NSUN7: variants seen among roughly 807,000 people sequenced by gnomAD.
NSUN7 encodes NOP2/Sun RNA methyltransferase family member 7.
Under a neutral mutation model 58.5 loss-of-function variants are expected in NSUN7, and 39 were observed. That is an observed-to-expected ratio of 0.67 (90% CI 0.52 to 0.87). The LOEUF is 0.87. NSUN7 is among the 40% of genes least tolerant of loss of function. NSUN7 has a pLI of 0.00. For missense variants in NSUN7, 765 were observed against 844.1 expected (o/e 0.91, Z 1.16); for synonymous variants, 278 against 303.7 (o/e 0.92, Z 0.88).
intron 4 of NSUN7, among the ~76,000 whole-genome samples, chr4:40,767,072 C>G (rs1234387144): frequency 1.3e-5 from 2 of 150,518 alleles, no homozygotes; most frequent in Admixed American, 6.6e-5. Context: ...TTTTTTGTGT[C>G]TCTATTTCCT....
In NSUN7 at chr4:40,777,760, C is replaced by T. The variant is rs529579808; in HGVS notation, c.1036+1501C>T. Among the ~76,000 whole-genome samples the T allele has an allele frequency of 5.9e-5, 9 of 152,270 alleles. No homozygotes were observed. The South Asian group carries it at 1.4e-3, about 25-fold the overall frequency. ...ATCTGGAGATACTGGATTTATCAGA[C>T]GTGGACTTTAGTTTTACTTTTTTGA... is the stretch of plus-strand genomic sequence containing the variant. On this transcript the variant is annotated intron_variant, in intron 7 of 11. Transcript: ENST00000381782.
chr4:40,766,633 T>A (rs377505352), intron 4 of NSUN7, among the ~76,000 whole-genome samples: 1 of 152,190 alleles, frequency 6.6e-6, no homozygotes, highest in Non-Finnish European at 1.5e-5. Context: ...TTTTCTATTG[T>A]TTGGAATAGT....
chr4:40,788,682 G>C (rs909673720), intron 7 of NSUN7, among the ~76,000 whole-genome samples: 2 of 152,134 alleles, frequency 1.3e-5, no homozygotes, highest in African/African-American at 4.8e-5. Context: ...CCCTATGGTG[G>C]CTGTGTAGAA....
In NSUN7 at chr4:40,764,201, A is replaced by G. The variant is rs1378046835; in HGVS notation, c.488+2900A>G. On this transcript the variant is annotated intron_variant, in intron 4 of 11. Coordinates refer to ENST00000381782, the MANE Select transcript of NSUN7 (RefSeq NM_024677.6). ...ATTAACTCGTCATTTAGCATTAGGTATATCTCCTAATGCTATCCCTCCCCC... is the reference window on the plus strand; with the variant it reads ...ATTAACTCGTCATTTAGCATTAGGTGTATCTCCTAATGCTATCCCTCCCCC... Among the ~76,000 whole-genome samples the G allele has an allele frequency of 3.4e-5, 5 of 147,024 alleles. No individual in the cohort carries two copies. In the East Asian group the frequency reaches 1.1e-3, roughly 32 times the overall value.
chr4:40,776,215 A>G lies in NSUN7; in HGVS notation c.992A>G (p.Lys331Arg). The G allele has an allele frequency of 6.2e-7, 1 of 1,611,184 alleles. No individual in the cohort carries two copies. Among genetic ancestry groups the G allele is most frequent in the Non-Finnish European group, 8.5e-7 (1 of 1,179,186 alleles). Reference sequence around the variant, plus strand: ...GTGTGTGGAGTACAATCACAAGCTAAGGATCCTGACTTGAAGACCCTTTTC... The same window carrying G: ...GTGTGTGGAGTACAATCACAAGCTAGGGATCCTGACTTGAAGACCCTTTTC... ...VFVCGVQSQA[K>R]DPDLKTLFTK... Residue 331 changes from lysine (K) to arginine (R), a missense_variant, in exon 7 of 12, where the codon AAG (lysine) becomes AGG (arginine). Lys to Arg is a conservative substitution (Grantham distance 26). Transcript: ENST00000381782.
chr4:40,764,676 A>G (rs1741628055), intron 4 of NSUN7, among the ~76,000 whole-genome samples: 1 of 152,168 alleles, frequency 6.6e-6, no homozygotes, highest in African/African-American at 2.4e-5. Context: ...CAATGGTTGA[A>G]CTAGTTTACA....
chr4:40,784,111 G>A (rs551576066), intron 7 of NSUN7, among the ~76,000 whole-genome samples: 23 of 152,266 alleles, frequency 1.5e-4, no homozygotes, highest in Non-Finnish European at 2.8e-4. Context: ...AAACCCACTA[G>A]TATGGCTATA....
chr4:40,770,227 A>T (rs1029707933), intron 4 of NSUN7, among the ~76,000 whole-genome samples: 47 of 151,906 alleles, frequency 3.1e-4, no homozygotes, highest in Non-Finnish European at 5.3e-4. Context: ...AAAAAAAAAA[A>T]AAGAAATTGC....
chr4:40,761,512 A>G (rs2154286813), intron 4 of NSUN7, among the ~76,000 whole-genome samples: 1 of 152,328 alleles, frequency 6.6e-6, no homozygotes, highest in East Asian at 1.9e-4. Context: ...CTTGAATTAC[A>G]AGATCCAGTA....
intron 4 of NSUN7, among the ~76,000 whole-genome samples, chr4:40,766,080 T>C (rs1021516700): frequency 2.8e-4 from 43 of 152,132 alleles, no homozygotes; most frequent in African/African-American, 9.4e-4. Flanking sequence ...TATTTCCTTC[T>C]CCTGCCTAAT....
chr4:40,761,910 A>ACT (rs1741480243), intron 4 of NSUN7, among the ~76,000 whole-genome samples: 1 of 152,210 alleles, frequency 6.6e-6, no homozygotes, highest in South Asian at 2.1e-4. Flanking sequence ...GTTAAGTGTT[A>ACT]CTGTTTGCTA....
At chr4:40,786,503 T>G (rs1224988406) in intron 7 of NSUN7, 1 of 1,613,200 alleles carries the variant, frequency 6.2e-7, no homozygotes, top group Non-Finnish European at 8.5e-7. Context: ...CCTGTACTTA[T>G]AGTTGCTAAC....
intron 4 of NSUN7, among the ~76,000 whole-genome samples, chr4:40,763,549 C>G (rs1007274902): frequency 1.1e-4 from 16 of 152,126 alleles, no homozygotes; most frequent in Admixed American, 9.8e-4. Context: ...TATGCTGAGT[C>G]AACCAAGAAA....
In NSUN7 at chr4:40,811,106, C is replaced by T. The variant is rs950958708; in HGVS notation, c.*2167C>T. The T allele has an allele frequency of 2.0e-5, 3 of 152,184 alleles. No homozygotes were observed. Among genetic ancestry groups the T allele is most frequent in the African/African-American group, 7.2e-5 (3 of 41,428 alleles). 9.4% of individuals were successfully genotyped at this position (152,184 alleles called of 1,614,324 possible). ...TGTTGCCACTTACATTGATTATCTC[C>T]TAACATGCATTTGGCACTAAATTAT... On this transcript the variant is annotated 3_prime_UTR_variant, in exon 12 of 12. Transcript: ENST00000381782.
intron 2 of NSUN7, among the ~76,000 whole-genome samples, chr4:40,758,311 T>C (rs1344330175): frequency 6.6e-6 from 1 of 152,030 alleles, no homozygotes; most frequent in Admixed American, 6.6e-5. Flanking sequence ...GTACTTGTTG[T>C]GAAAAAAAAG....
chr4:40,756,668 T>C (rs1741158889), intron 2 of NSUN7, among the ~76,000 whole-genome samples: 1 of 152,228 alleles, frequency 6.6e-6, no homozygotes, highest in South Asian at 2.1e-4. Flanking sequence ...TACTTAACTG[T>C]GCTGTGCCCC....
intron 8 of NSUN7, among the ~76,000 whole-genome samples, chr4:40,792,077 A>G (rs1014272487): frequency 1.4e-4 from 21 of 152,250 alleles, no homozygotes; most frequent in African/African-American, 5.1e-4. Context: ...GACTTCAGCC[A>G]AAGAATAACC....
intron 4 of NSUN7, among the ~76,000 whole-genome samples, chr4:40,770,935 C>A (rs1741976733): frequency 6.6e-6 from 1 of 152,060 alleles, no homozygotes; most frequent in Non-Finnish European, 1.5e-5. Flanking sequence ...CCTGTAGTCC[C>A]AGCTACTTGG....
intron 10 of NSUN7, among the ~76,000 whole-genome samples, chr4:40,802,993 G>A (rs1482893668): frequency 7.7e-6 from 1 of 130,136 alleles, no homozygotes; most frequent in Non-Finnish European, 1.5e-5. Context: ...GTGTCCATGT[G>A]TTCTCATTGT....
Sources: allele counts gnomAD v4.1 joint callset (sites outside exome capture counted in the v4.1 genomes callset), GRCh38; gene constraint gnomAD v4.1.1; transcripts MANE v1.5; gene names NCBI Gene and HGNC (gene_info 2026-07-23, HGNC 2026-07-21).